Variants in SLC9A2 observed in about 807,000 individuals in gnomAD.
The protein encoded by SLC9A2 is solute carrier family 9 member A2.
Under a neutral mutation model 71.7 loss-of-function variants are expected in SLC9A2, and 42 were observed. The observed-to-expected ratio is 0.59, with a 90% CI of 0.46 to 0.76. SLC9A2 has a LOEUF of 0.76. Ranked by LOEUF, SLC9A2 falls within the 30% of genes least tolerant of loss-of-function variation. The probability of loss-of-function intolerance (pLI) is 0.00; values close to 1 mark genes in which losing one functional copy is unlikely to be tolerated. For missense variants in SLC9A2, 829 were observed against 1,017.4 expected, an observed-to-expected ratio of 0.81 and a Z score of 2.52; for synonymous variants, 396 against 392.5, an observed-to-expected ratio of 1.01 and a Z score of -0.10.
intron 2 of SLC9A2, among the ~76,000 whole-genome samples, chr2:102,661,605 A>C (rs1468104393): frequency 6.6e-6 from 1 of 152,300 alleles, no homozygotes; most frequent in Admixed American, 6.5e-5. Context: ...TCACAGAATT[A>C]GTGTGCTTTT....
chr2:102,699,309 C>A (rs888406582), intron 7 of SLC9A2, among the ~76,000 whole-genome samples: 7 of 152,124 alleles, frequency 4.6e-5, no homozygotes, highest in Admixed American at 3.9e-4. Flanking sequence ...GCTGGTAAGT[C>A]TTTAAGATAG....
intron 1 of SLC9A2, among the ~76,000 whole-genome samples, chr2:102,656,375 A>G (rs142839123): frequency 0.01 from 1,542 of 152,250 alleles, 25 homozygotes; most frequent in African/African-American, 0.036. Context: ...TTTAATGCCT[A>G]TCTTTTAAGC....
rs1160758028 is a variant in SLC9A2 at position 102,701,122 on chromosome 2, C to A, written c.1639C>A (p.Gln547Lys). The change falls in exon 8 of 12, where the codon CAA becomes AAA. Residue 547 changes from glutamine to lysine, a missense_variant. Around this residue, in one of 3 missense-constraint regions of SLC9A2, gnomAD observed 500 missense variants for 726.3 expected, o/e 0.69. Coordinates refer to ENST00000233969, the MANE Select transcript of SLC9A2 (RefSeq NM_003048.6). ...YLRKLLIRENQPKSSIVSLYK... is the reference protein window; with the variant it reads ...YLRKLLIRENKPKSSIVSLYK... ...GCGGAAGCTTTTGATTCGGGAAAACCAACCAAAGTCAAGTATTGTATCTTT... is the reference window on the plus strand; with the variant it reads ...GCGGAAGCTTTTGATTCGGGAAAACAAACCAAAGTCAAGTATTGTATCTTT... The A allele has an allele frequency of 6.2e-7, 1 of 1,609,728 alleles. No homozygotes were observed. Among genetic ancestry groups the A allele is most frequent in the African/African-American group, 1.3e-5 (1 of 74,640 alleles).
chr2:102,704,774 T>C, intron 10 of SLC9A2, 99 bp downstream of exon 10: 1 of 1,336,642 alleles, frequency 7.5e-7, no homozygotes, highest in Admixed American at 1.9e-5. Flanking sequence ...ATCAAGTGGC[T>C]GTTGACAGTT....
At chr2:102,629,247 T>G (rs370030707) in intron 1 of SLC9A2, among the ~76,000 whole-genome samples, 1 of 152,180 alleles carries the variant, frequency 6.6e-6, no homozygotes, top group Non-Finnish European at 1.5e-5. Flanking sequence ...TATTGTTACA[T>G]CTCCAGAGTG....
intron 1 of SLC9A2, among the ~76,000 whole-genome samples, chr2:102,628,728 T>C (rs562494063): frequency 4.6e-5 from 7 of 152,156 alleles, no homozygotes; most frequent in South Asian, 2.1e-4. Flanking sequence ...TCATTGTCAG[T>C]TTTAGAGATA....
intron 3 of SLC9A2, among the ~76,000 whole-genome samples, chr2:102,666,126 G>A (rs958932092): frequency 7.4e-5 from 10 of 135,098 alleles, no homozygotes; most frequent in Non-Finnish European, 1.7e-4. Flanking sequence ...ATTTGATTTG[G>A]GATAACAGCT....
At chr2:102,652,049 C>G (rs1470952591) in intron 1 of SLC9A2, among the ~76,000 whole-genome samples, 2 of 152,132 alleles carry the variant, frequency 1.3e-5, no homozygotes, top group African/African-American at 4.8e-5. Context: ...TCTATGGGAT[C>G]AAACATGGAT....
At chr2:102,679,211 T>C (rs779563867) in intron 3 of SLC9A2, among the ~76,000 whole-genome samples, 5 of 152,116 alleles carry the variant, frequency 3.3e-5, no homozygotes, top group Non-Finnish European at 7.4e-5. Context: ...TCCTGTTCAG[T>C]GTCTCACTGA....
At chr2:102,694,956 C>A in intron 6 of SLC9A2, 87 bp from the exon 7 acceptor site, 1 of 1,104,790 alleles carries the variant, frequency 9.1e-7, no homozygotes, top group Non-Finnish European at 1.4e-6. Context: ...CCATGAAGGT[C>A]TTTGGAGTTT....
chr2:102,620,097 G>A lies in SLC9A2; in HGVS notation c.249G>A (p.Glu83=). 6.2e-7 allele frequency: 1 copy of A among 1,613,276 alleles called. No homozygotes were observed. Among genetic ancestry groups the A allele is most frequent in the South Asian group, 1.1e-5 (1 of 90,954 alleles). Residue 83 remains glutamate, a synonymous_variant, in exon 1 of 12, where the codon GAG becomes GAA. Coordinates refer to ENST00000233969, the MANE Select transcript of SLC9A2 (RefSeq NM_003048.6). ...LDYPHVQIPF[E]ITLWILLASL... ...ACCCCCACGTGCAGATCCCCTTCGA[G>A]ATCACCCTTTGGATCCTGCTGGCCT...
At chr2:102,659,328 C>A (rs1269293117) in intron 2 of SLC9A2, among the ~76,000 whole-genome samples, 2 of 151,472 alleles carry the variant, frequency 1.3e-5, no homozygotes, top group Non-Finnish European at 2.9e-5. Flanking sequence ...GTTATCCCAG[C>A]TACTTGGGAG....
rs370647929 is a variant in SLC9A2, at chr2:102,676,238, C to G, written c.1005-7023C>G. Among the ~76,000 whole-genome samples, 3 of 152,310 alleles carry G rather than the reference C, an allele frequency of 2.0e-5. No individual in the cohort carries two copies. The East Asian group carries it at 5.8e-4, about 29-fold the overall frequency. ...GTCTTCCACCTGGAAAACCTTCATT[C>G]CATCATCAAAGTGTTGGTCAAATCT... On this transcript the variant is annotated intron_variant, in intron 3 of 11. Transcript: ENST00000233969.
intron 1 of SLC9A2, among the ~76,000 whole-genome samples, chr2:102,640,690 T>C (rs10184340): frequency 0.57 from 86,573 of 151,914 alleles, 26,318 homozygotes; most frequent in African/African-American, 0.78. Flanking sequence ...AACCTCATCA[T>C]TTAGGGTCTT....
intron 1 of SLC9A2, among the ~76,000 whole-genome samples, chr2:102,646,625 AAAAC>A (rs1004804179): frequency 2.6e-5 from 4 of 152,100 alleles, no homozygotes; most frequent in Non-Finnish European, 5.9e-5. Context: ...AAGCAAATGG[AAAAC>A]AAACAAACAA....
intron 1 of SLC9A2, among the ~76,000 whole-genome samples, chr2:102,621,795 T>G (rs1370925558): frequency 2.0e-5 from 3 of 152,164 alleles, no homozygotes; most frequent in African/African-American, 7.2e-5. Context: ...CAGAGAACAC[T>G]TCCTCATGCA....
chr2:102,694,430 C>T lies in SLC9A2; in HGVS notation c.1442C>T (p.Pro481Leu), dbSNP rs752859008. The change falls in exon 6 of 12, where the codon CCA (proline) becomes CTA (leucine). Residue 481 changes from proline to leucine, a missense_variant. Around this residue, in one of 3 missense-constraint regions of SLC9A2, gnomAD observed 500 missense variants for 726.3 expected, o/e 0.69. Transcript: ENST00000233969. The part of the protein sequence containing the change: ...TVFILGITIR[P>L]LVEFLDVKRS... ...CCTGTTCAGGGAATAACTATTCGAC[C>T]ACTGGTGGAGTTTCTTGATGTCAAG... 1 of 1,501,966 alleles carries T rather than the reference C, an allele frequency of 6.7e-7. No homozygotes were observed. Among genetic ancestry groups the T allele is most frequent in the East Asian group, 2.3e-5 (1 of 43,692 alleles). 93.0% of individuals were successfully genotyped at this position (1,501,966 alleles called of 1,614,324 possible).
rs374054836 is a variant in SLC9A2, at chr2:102,702,439, G to A, written c.1782G>A (p.Thr594=). The part of the protein sequence containing the change: ...DCREEKIRKV[T]SSETDEIREL... Reference sequence around the variant, plus strand: ...GTGAAGAAAAAATAAGGAAGGTCACGTCCAGTGAAACTGATGAAATTCGAG... The same window carrying A: ...GTGAAGAAAAAATAAGGAAGGTCACATCCAGTGAAACTGATGAAATTCGAG... Residue 594 remains threonine, a synonymous_variant, in exon 9 of 12, where the codon ACG becomes ACA. Transcript: ENST00000233969. The A allele has an allele frequency of 1.2e-5, 19 of 1,601,348 alleles. No homozygotes were observed. The highest frequency in any genetic ancestry group is 1.4e-5 in the Non-Finnish European group (16 of 1,174,356).
At chr2:102,621,186 G>C (rs965652562) in intron 1 of SLC9A2, among the ~76,000 whole-genome samples, 1 of 151,422 alleles carries the variant, frequency 6.6e-6, no homozygotes, top group African/African-American at 2.4e-5. Context: ...TAATTAATTA[G>C]GTAGCCTGGT....
Sources: allele counts gnomAD v4.1 joint callset (sites outside exome capture counted in the v4.1 genomes callset), GRCh38; gene constraint gnomAD v4.1.1; regional missense constraint gnomAD v4.1.1; transcripts MANE v1.5; gene names NCBI Gene and HGNC (gene_info 2026-07-23, HGNC 2026-07-21).